Variants in MPZL1 observed in about 807,000 individuals in gnomAD.
The protein encoded by MPZL1 is myelin protein zero-like protein 1.
MPZL1 carries 16 observed loss-of-function variants against 29.3 expected under a neutral mutation model. The ratio of observed to expected loss-of-function variants is 0.55; its 90% CI spans 0.37 to 0.83. MPZL1 has a LOEUF of 0.83. MPZL1 is among the 40% of genes least tolerant of loss of function. The pLI is 0.00. For missense variants in MPZL1, 279 were observed against 332.9 expected, an observed-to-expected ratio of 0.84 and a Z score of 1.26; for synonymous variants, 143 against 132.0, an observed-to-expected ratio of 1.08 and a Z score of -0.57.
At chr1:167,751,484 A>G (rs1262885991) in intron 1 of MPZL1, among the ~76,000 whole-genome samples, 3 of 152,170 alleles carry the variant, frequency 2.0e-5, no homozygotes, top group Non-Finnish European at 2.9e-5. Context: ...ATCCTGGCCA[A>G]CATGGTGAAA....
chr1:167,765,501 T>C lies in MPZL1; in HGVS notation c.92-82T>C, dbSNP rs991500476. On this transcript the variant is annotated intron_variant, in intron 1 of 5. Transcript: ENST00000359523. ...CTGTATATATCTAGTAACTTTGCTG[T>C]ATCTTTTCTTGTCTGGCAAAAATGC... 6 of 1,224,174 alleles carry C rather than the reference T, an allele frequency of 4.9e-6. No individual in the cohort carries two copies. In the African/African-American group the frequency reaches 9.1e-5, roughly 19 times the overall value. The allele number at this position is 1,224,174 out of a possible 1,614,324, so 75.8% of individuals were successfully genotyped here.
At chr1:167,784,651 G>A (rs1192081792) in intron 5 of MPZL1, among the ~76,000 whole-genome samples, 2 of 152,132 alleles carry the variant, frequency 1.3e-5, no homozygotes, top group Admixed American at 6.5e-5. Flanking sequence ...GTTCTAGATT[G>A]AGCTAGATCT....
At chr1:167,766,581 A>T (rs950931346) in intron 2 of MPZL1, among the ~76,000 whole-genome samples, 4 of 152,164 alleles carry the variant, frequency 2.6e-5, no homozygotes, top group Non-Finnish European at 5.9e-5. Context: ...GTACTGTTGC[A>T]TGTTTCAGGT....
chr1:167,726,122 C>G (rs190382407), intron 1 of MPZL1, among the ~76,000 whole-genome samples: 1 of 152,198 alleles, frequency 6.6e-6, no homozygotes, highest in East Asian at 1.9e-4. Context: ...TACCACCCAC[C>G]ACCCCTTTCT....
chr1:167,756,955 C>T (rs114858983), intron 1 of MPZL1, among the ~76,000 whole-genome samples: 6 of 152,156 alleles, frequency 3.9e-5, no homozygotes, highest in African/African-American at 1.2e-4. Flanking sequence ...AGGAGGAAGT[C>T]CCTTGAGATT....
At chr1:167,763,274 G>T (rs772752276) in intron 1 of MPZL1, among the ~76,000 whole-genome samples, 28 of 152,232 alleles carry the variant, frequency 1.8e-4, no homozygotes, top group South Asian at 6.2e-4. Flanking sequence ...CAGCACTTTG[G>T]GGGGGCCGGG....
chr1:167,758,822 A>C (rs1660923302), intron 1 of MPZL1, among the ~76,000 whole-genome samples: 1 of 152,082 alleles, frequency 6.6e-6, no homozygotes, highest in African/African-American at 2.4e-5. Context: ...TTATTTGTTT[A>C]TATTCTTGCC....
chr1:167,787,240 T>A (rs1661610091), intron 5 of MPZL1: 1 of 152,226 alleles, frequency 6.6e-6, no homozygotes, highest in Admixed American at 6.5e-5. Flanking sequence ...TTGGTCACAA[T>A]ACGCTCAGAC....
intron 1 of MPZL1, among the ~76,000 whole-genome samples, chr1:167,729,953 C>T (rs1336711537): frequency 6.6e-6 from 1 of 152,196 alleles, no homozygotes; most frequent in Non-Finnish European, 1.5e-5. Context: ...AGTTGAGACT[C>T]AATTTCCAAA....
In MPZL1 at chr1:167,734,738, A is replaced by G. The variant is rs140968607; in HGVS notation, c.91+12496A>G. Among the ~76,000 whole-genome samples the G allele has an allele frequency of 5.7e-4, 87 of 152,258 alleles. 2 individuals are homozygous for G. The East Asian group carries it at 0.014, about 24-fold the overall frequency. ...TGAGGAGAATCAGCAGTGTCTTGCA[A>G]TGCAGCTGCCTCAGGGGAGGCCATT... On this transcript the variant is annotated intron_variant, in intron 1 of 5. Coordinates refer to ENST00000359523, the MANE Select transcript of MPZL1 (RefSeq NM_003953.6).
intron 1 of MPZL1, among the ~76,000 whole-genome samples, chr1:167,757,719 C>T (rs147448441): frequency 3.3e-5 from 5 of 152,124 alleles, no homozygotes; most frequent in African/African-American, 1.2e-4. Context: ...TAGGTCAGAA[C>T]GCTGTTTAAA....
chr1:167,759,147 T>C (rs763022024), intron 1 of MPZL1, among the ~76,000 whole-genome samples: 1 of 152,238 alleles, frequency 6.6e-6, no homozygotes, highest in Non-Finnish European at 1.5e-5. Context: ...TATGCCATAA[T>C]TATAAATCCT....
chr1:167,776,311 G>A lies in MPZL1; in HGVS notation c.708+145G>A. On this transcript the variant is annotated intron_variant, in intron 5 of 5. Coordinates refer to ENST00000359523, the MANE Select transcript of MPZL1 (RefSeq NM_003953.6). ...AGAGACAAAGAGAGAGTGGGAGTGAGGAATTAAAGGGCTGGCCTAGGAAGA... is the reference window on the plus strand; with the variant it reads ...AGAGACAAAGAGAGAGTGGGAGTGAAGAATTAAAGGGCTGGCCTAGGAAGA... 2 of 493,952 alleles carry A rather than the reference G, an allele frequency of 4.0e-6. 1 individual carries two copies. The highest frequency in any genetic ancestry group is 7.0e-5 in the East Asian group (2 of 28,568). 30.6% of individuals were successfully genotyped at this position (493,952 alleles called of 1,614,324 possible).
intron 1 of MPZL1, among the ~76,000 whole-genome samples, chr1:167,759,538 C>T (rs140784147): frequency 1.3e-5 from 2 of 152,300 alleles, no homozygotes; most frequent in East Asian, 1.9e-4. Context: ...ACACTTCTGA[C>T]AAGATGCCAT....
intron 5 of MPZL1, among the ~76,000 whole-genome samples, chr1:167,780,176 AG>A (rs1056233073): frequency 6.6e-6 from 1 of 152,186 alleles, no homozygotes; most frequent in African/African-American, 2.4e-5. Flanking sequence ...GCAGGAAAGG[AG>A]GGGAAAATGA....
At chr1:167,750,583 A>G (rs571346139) in intron 1 of MPZL1, among the ~76,000 whole-genome samples, 4 of 152,182 alleles carry the variant, frequency 2.6e-5, no homozygotes, top group South Asian at 4.2e-4. Flanking sequence ...CACCTTGTAT[A>G]TGTGTTTCTG....
At chr1:167,749,273 A>G (rs182047955) in intron 1 of MPZL1, among the ~76,000 whole-genome samples, 2 of 152,360 alleles carry the variant, frequency 1.3e-5, no homozygotes, top group African/African-American at 4.8e-5. Flanking sequence ...TCTAAGCTAC[A>G]GTCAGTTTCA....
chr1:167,791,917 G>T lies in MPZL1; in HGVS notation c.*3996G>T, dbSNP rs569285311. Reference sequence around the variant, plus strand: ...GTTACTAATAAAACATTGAGGCTTCGCAGTGACTTAGTAATTTTATAAATT... The same window carrying T: ...GTTACTAATAAAACATTGAGGCTTCTCAGTGACTTAGTAATTTTATAAATT... On this transcript the variant is annotated 3_prime_UTR_variant, in exon 6 of 6. Transcript: ENST00000359523. The T allele has an allele frequency of 6.6e-6, 1 of 152,186 alleles. No individual in the cohort carries two copies. The highest frequency in any genetic ancestry group is 1.5e-5 in the Non-Finnish European group (1 of 68,028). The allele number at this position is 152,186 out of a possible 1,614,324, so 9.4% of individuals were successfully genotyped here.
At chr1:167,753,450 A>G (rs1660797593) in intron 1 of MPZL1, among the ~76,000 whole-genome samples, 1 of 152,238 alleles carries the variant, frequency 6.6e-6, no homozygotes, top group Non-Finnish European at 1.5e-5. Flanking sequence ...AGATCTCATT[A>G]AAAACGTGTC....
Sources: allele counts gnomAD v4.1 joint callset (sites outside exome capture counted in the v4.1 genomes callset), GRCh38; gene constraint gnomAD v4.1.1; transcripts MANE v1.5; gene names NCBI Gene and HGNC (gene_info 2026-07-23, HGNC 2026-07-21).